CRPPA: variants seen among roughly 807,000 people sequenced by gnomAD.
CRPPA encodes CDP-L-ribitol pyrophosphorylase A.
CRPPA carries 43 observed loss-of-function variants against 52.0 expected under a neutral mutation model. The ratio of observed to expected loss-of-function variants is 0.83; its 90% CI spans 0.65 to 1.07. CRPPA has a LOEUF of 1.07. Ranked by LOEUF, CRPPA falls within the 50% of genes least tolerant of loss-of-function variation. The pLI is 0.00. For missense variants in CRPPA, 629 were observed against 551.7 expected (o/e 1.14, Z -1.40); for synonymous variants, 250 against 203.5 (o/e 1.23, Z -1.94).
At chr7:16,353,030 C>T (rs889777938) in intron 3 of CRPPA, among the ~76,000 whole-genome samples, 7 of 152,192 alleles carry the variant, frequency 4.6e-5, no homozygotes, top group East Asian at 1.9e-4. Flanking sequence ...GGGACAGAGA[C>T]AAATGCTGTA....
chr7:16,276,082 G>GA (rs1784198822), intron 6 of CRPPA, among the ~76,000 whole-genome samples: 1 of 151,776 alleles, frequency 6.6e-6, no homozygotes, highest in African/African-American at 2.4e-5. Flanking sequence ...GACTAAATTA[G>GA]AAAAAACACA....
At chr7:16,314,933 G>A (rs922018875) in intron 3 of CRPPA, among the ~76,000 whole-genome samples, 2 of 151,922 alleles carry the variant, frequency 1.3e-5, no homozygotes, top group South Asian at 2.1e-4. Context: ...ACATTGATTT[G>A]GAGAAATTTC....
In CRPPA at chr7:16,215,447, T is replaced by C. The variant is rs180833357; in HGVS notation, c.1251+619A>G. ...ATTTCTCTGCACAAAGAATCTGTAA[T>C]GGTAGCTCATTGTGCTTTCAGTGTA... is the stretch of plus-strand genomic sequence containing the variant. On this transcript the variant is annotated intron_variant, in intron 9 of 9. Transcript: ENST00000407010. 2.0e-4 allele frequency among the ~76,000 whole-genome samples: 30 copies of C among 152,358 alleles called. No individual in the cohort carries two copies. In the East Asian group the frequency reaches 5.8e-3, roughly 29 times the overall value.
intron 9 of CRPPA, among the ~76,000 whole-genome samples, chr7:16,100,449 C>T (rs1270488949): frequency 6.6e-6 from 1 of 152,172 alleles, no homozygotes; most frequent in Non-Finnish European, 1.5e-5. Context: ...ACAGTAGGCA[C>T]TCGGTAAATA....
At chr7:16,169,374 T>C (rs1183015293) in intron 9 of CRPPA, among the ~76,000 whole-genome samples, 1 of 152,192 alleles carries the variant, frequency 6.6e-6, no homozygotes, top group Non-Finnish European at 1.5e-5. Context: ...ATACATTTGT[T>C]TACCTTTACA....
At chr7:16,131,594 T>C (rs1341899071) in intron 9 of CRPPA, among the ~76,000 whole-genome samples, 1 of 152,132 alleles carries the variant, frequency 6.6e-6, no homozygotes, top group East Asian at 1.9e-4. Context: ...CCTAGATTTT[T>C]CTTTTTTGAA....
chr7:16,179,456 C>T (rs567830163), intron 9 of CRPPA, among the ~76,000 whole-genome samples: 2 of 152,110 alleles, frequency 1.3e-5, no homozygotes, highest in South Asian at 4.1e-4. Flanking sequence ...TGGGGCCCAA[C>T]ATAATCACAG....
chr7:16,304,153 C>G (rs1784854383), intron 4 of CRPPA, among the ~76,000 whole-genome samples: 1 of 152,032 alleles, frequency 6.6e-6, no homozygotes, highest in African/African-American at 2.4e-5. Flanking sequence ...TAGATGAAAT[C>G]TCATCAAAAT....
chr7:16,331,379 C>A (rs1366023867), intron 3 of CRPPA, among the ~76,000 whole-genome samples: 1 of 152,154 alleles, frequency 6.6e-6, no homozygotes, highest in Non-Finnish European at 1.5e-5. Flanking sequence ...CCCGCCCCCA[C>A]ACCTTGCCAC....
intron 8 of CRPPA, among the ~76,000 whole-genome samples, chr7:16,219,909 C>T (rs75736179): frequency 0.25 from 35,440 of 141,130 alleles, 4,561 homozygotes; most frequent in South Asian, 0.37. Context: ...TTCCAATCAA[C>T]AGAAAAAGAG....
chr7:16,235,589 A>G (rs1782927439), intron 8 of CRPPA, among the ~76,000 whole-genome samples: 1 of 152,124 alleles, frequency 6.6e-6, no homozygotes, highest in Non-Finnish European at 1.5e-5. Context: ...TAGTTGTGAC[A>G]AAGACTGTGT....
intron 3 of CRPPA, among the ~76,000 whole-genome samples, chr7:16,332,475 T>C (rs1182424811): frequency 1.3e-5 from 2 of 152,176 alleles, no homozygotes; most frequent in South Asian, 2.1e-4. Flanking sequence ...TGCTTATCTA[T>C]GCTTATGTAT....
intron 2 of CRPPA, among the ~76,000 whole-genome samples, chr7:16,398,314 G>A (rs944480867): frequency 4.0e-5 from 6 of 151,870 alleles, no homozygotes; most frequent in Middle Eastern, 3.4e-3. Flanking sequence ...TAATTCACGT[G>A]ATAAACACAT....
At chr7:16,164,113 G>T (rs1217902089) in intron 9 of CRPPA, among the ~76,000 whole-genome samples, 1 of 152,108 alleles carries the variant, frequency 6.6e-6, no homozygotes, top group African/African-American at 2.4e-5. Flanking sequence ...TTTCCAACTT[G>T]GTTCCATTCT....
chr7:16,266,703 C>T (rs1310896989), intron 6 of CRPPA, among the ~76,000 whole-genome samples: 3 of 151,994 alleles, frequency 2.0e-5, no homozygotes, highest in Non-Finnish European at 2.9e-5. Context: ...GGTCTCGAAC[C>T]TCTGACCTTA....
chr7:16,406,138 T>C lies in CRPPA; in HGVS notation c.457A>G (p.Ile153Val), dbSNP rs752728845. Residue 153 changes from isoleucine to valine, a missense_variant, in exon 2 of 10, where the codon ATT (isoleucine) becomes GTT (valine). Transcript: ENST00000407010. The part of the protein sequence containing the change: ...NSKLSKPEVV[I>V]IHDAVRPFVE... ...AATGGTCTCACAGCATCATGGATAA[T>C]CACTACTTCTGGCTTAGAGAGTTTA... 8 of 1,614,006 alleles carry C rather than the reference T, an allele frequency of 5.0e-6. No individual in the cohort carries two copies. Among genetic ancestry groups the C allele is most frequent in the Non-Finnish European group, 6.8e-6 (8 of 1,179,880 alleles).
At chr7:16,226,678 T>C (rs1782659863) in intron 8 of CRPPA, among the ~76,000 whole-genome samples, 1 of 151,928 alleles carries the variant, frequency 6.6e-6, no homozygotes, top group Admixed American at 6.6e-5. Context: ...AAATACAACT[T>C]TTTGTTAATT....
Position 16,277,520 on chromosome 7 carries a change from A to C in CRPPA, c.933+609T>G, listed in dbSNP as rs75020478. On this transcript the variant is annotated intron_variant, in intron 6 of 9. Coordinates refer to ENST00000407010, the MANE Select transcript of CRPPA (RefSeq NM_001101426.4). ...TTTAATGAAAACAGAAATTAATTAA[A>C]ATGTACAAAAATAAGTGTGGCAAAG... Among the ~76,000 whole-genome samples, 997 of 152,320 alleles carry C rather than the reference A, an allele frequency of 6.5e-3. 17 individuals are homozygous for C. The highest frequency in any genetic ancestry group is 0.024 in the African/African-American group (979 of 41,568).
chr7:16,108,567 A>G (rs1257507785), intron 9 of CRPPA, among the ~76,000 whole-genome samples: 1 of 151,904 alleles, frequency 6.6e-6, no homozygotes, highest in Non-Finnish European at 1.5e-5. Flanking sequence ...GAAAATTAAC[A>G]AGGATATATT....
Sources: allele counts gnomAD v4.1 joint callset (sites outside exome capture counted in the v4.1 genomes callset), GRCh38; gene constraint gnomAD v4.1.1; transcripts MANE v1.5; gene names NCBI Gene and HGNC (gene_info 2026-07-23, HGNC 2026-07-21).